Variants in BBS9 observed in about 807,000 individuals in gnomAD.
The protein encoded by BBS9 is protein PTHB1.
A neutral mutation model predicts 117.7 loss-of-function variants in BBS9; 89 were observed. That is an observed-to-expected ratio of 0.76 (90% CI 0.64 to 0.90). The LOEUF (loss-of-function observed/expected upper bound fraction) is 0.90, where lower values mean the gene tolerates loss of function less well. BBS9 is among the 40% of genes least tolerant of loss of function. The pLI, the probability that BBS9 is intolerant of heterozygous loss-of-function variation, is 0.00. For missense variants in BBS9, 982 were observed against 1,042.2 expected (o/e 0.94, Z 0.80); for synonymous variants, 379 against 370.9 (o/e 1.02, Z -0.25).
At chr7:33,357,636 T>C in intron 15 of BBS9, 1 of 622,008 alleles carries the variant, frequency 1.6e-6, no homozygotes, top group Non-Finnish European at 2.9e-6. Flanking sequence ...CTCATGTCTA[T>C]GCTTCTTTTA....
intron 5 of BBS9, among the ~76,000 whole-genome samples, chr7:33,179,175 A>G (rs900703315): frequency 3.3e-5 from 5 of 152,238 alleles, no homozygotes; most frequent in Non-Finnish European, 7.3e-5. Flanking sequence ...GCAAATTACT[A>G]AATTCCATAC....
At chr7:33,291,431 T>G (rs1176030896) in intron 9 of BBS9, among the ~76,000 whole-genome samples, 2 of 152,226 alleles carry the variant, frequency 1.3e-5, no homozygotes, top group Non-Finnish European at 2.9e-5. Context: ...TTACCTTCCT[T>G]ATGTTATTTC....
chr7:33,442,252 C>T (rs1396057057), intron 19 of BBS9, among the ~76,000 whole-genome samples: 1 of 152,118 alleles, frequency 6.6e-6, no homozygotes, highest in Non-Finnish European at 1.5e-5. Context: ...AATCCATGAA[C>T]ACTTGGTCTA....
At chr7:33,466,096 G>A (rs1453437046) in intron 19 of BBS9, among the ~76,000 whole-genome samples, 1 of 151,910 alleles carries the variant, frequency 6.6e-6, no homozygotes. Flanking sequence ...ATTGTGAAAT[G>A]GTTACCACCA....
At chr7:33,469,951 C>T (rs1840740800) in intron 19 of BBS9, among the ~76,000 whole-genome samples, 1 of 152,074 alleles carries the variant, frequency 6.6e-6, no homozygotes. Flanking sequence ...CTTATGAGCA[C>T]ATTTAAGTTT....
At chr7:33,157,841 A>G (rs1039341769) in intron 4 of BBS9, 4 of 111,928 alleles carry the variant, frequency 3.6e-5, no homozygotes, top group Non-Finnish European at 7.2e-5. Context: ...GTGTCATCAA[A>G]TGTATGCTTA....
intron 5 of BBS9, among the ~76,000 whole-genome samples, chr7:33,222,199 A>T (rs897623018): frequency 1.3e-5 from 2 of 152,216 alleles, no homozygotes; most frequent in African/African-American, 4.8e-5. Context: ...GTGACTGTTG[A>T]TAGAAATGAT....
intron 9 of BBS9, among the ~76,000 whole-genome samples, chr7:33,301,068 C>A (rs1236935541): frequency 6.6e-6 from 1 of 151,836 alleles, no homozygotes; most frequent in Non-Finnish European, 1.5e-5. Context: ...TTTGAAGGTA[C>A]CTGTCCCTTT....
intron 5 of BBS9, among the ~76,000 whole-genome samples, chr7:33,202,561 G>C (rs931886287): frequency 1.3e-5 from 2 of 152,306 alleles, no homozygotes; most frequent in South Asian, 4.2e-4. Context: ...GGCTGGGTAG[G>C]CCTCAGGAAA....
In BBS9 at chr7:33,455,342, A is replaced by T. The variant is rs1838484376; in HGVS notation, c.2116-50121A>T. On this transcript the variant is annotated intron_variant, in intron 19 of 22. Transcript: ENST00000242067. ...CTGTCAGGAAACCTCAGTTTCTGAG[A>T]TGAGATAGCGATTCTGGGCTACTGC... 2.0e-5 allele frequency among the ~76,000 whole-genome samples: 3 copies of T among 152,148 alleles called. No homozygotes were observed. In the South Asian group the frequency reaches 6.2e-4, roughly 31 times the overall value.
chr7:33,603,034 T>A (rs923973288), intron 21 of BBS9, among the ~76,000 whole-genome samples: 3 of 152,160 alleles, frequency 2.0e-5, no homozygotes, highest in African/African-American at 7.2e-5. Flanking sequence ...TCAGCTGGAA[T>A]GAAAAGGACA....
At position 33,534,149 on chromosome 7, in the gene BBS9, G is replaced by C. The variant is rs751542968; in HGVS notation, c.2494G>C (p.Ala832Pro). ...GGRLCLSTDA[A>P]APQTMVMPGG... The stretch of plus-strand genomic sequence containing the variant: ...CCGTCTCTGCCTAAGTACCGATGCA[G>C]CAGCCCCACAGACCATGGTCATGCC... Residue 832 changes from alanine to proline, a missense_variant, in exon 21 of 23, where the codon GCA (alanine) becomes CCA (proline). Ala to Pro is a conservative substitution (Grantham distance 27). Coordinates refer to ENST00000242067, the MANE Select transcript of BBS9 (RefSeq NM_198428.3). 8.1e-6 allele frequency: 13 copies of C among 1,614,170 alleles called. No individual in the cohort carries two copies. The highest frequency in any genetic ancestry group is 2.2e-5 in the South Asian group (2 of 91,080).
At position 33,230,448 on chromosome 7, in the gene BBS9, A is replaced by G. The variant is rs543077444; in HGVS notation, c.443-26788A>G. 1.1e-4 allele frequency among the ~76,000 whole-genome samples: 17 copies of G among 152,352 alleles called. No individual in the cohort carries two copies. The South Asian group carries it at 3.5e-3, about 32-fold the overall frequency. ...AAAAATTTTCAATAACTTTAGAGGTATAAGTGTTTTTGCTTACATGGATGA... is the reference window on the plus strand; with the variant it reads ...AAAAATTTTCAATAACTTTAGAGGTGTAAGTGTTTTTGCTTACATGGATGA... On this transcript the variant is annotated intron_variant, in intron 5 of 22. Transcript: ENST00000242067.
intron 21 of BBS9, among the ~76,000 whole-genome samples, chr7:33,566,406 T>C (rs919980041): frequency 6.6e-6 from 1 of 151,950 alleles, no homozygotes; most frequent in African/African-American, 2.4e-5. Context: ...GTATATATAT[T>C]TTGAAATTCT....
chr7:33,190,661 T>C (rs1783976716), intron 5 of BBS9, among the ~76,000 whole-genome samples: 1 of 152,232 alleles, frequency 6.6e-6, no homozygotes, highest in South Asian at 2.1e-4. Context: ...TTTAAATCTT[T>C]ACTTGTCACA....
intron 3 of BBS9, among the ~76,000 whole-genome samples, chr7:33,154,079 A>G (rs1793747892): frequency 6.6e-6 from 1 of 152,202 alleles, no homozygotes; most frequent in African/African-American, 2.4e-5. Context: ...TAGATAGTAT[A>G]CTAGGCCTTT....
At chr7:33,349,046 A>C in intron 12 of BBS9, 22 bp from the exon 13 acceptor site, 1 of 1,489,482 alleles carries the variant, frequency 6.7e-7, no homozygotes, top group Non-Finnish European at 9.4e-7. Context: ...TTTTCTATTG[A>C]TAACAATTTC....
At chr7:33,516,513 A>G (rs1847840913) in intron 20 of BBS9, among the ~76,000 whole-genome samples, 1 of 145,756 alleles carries the variant, frequency 6.9e-6, no homozygotes, top group African/African-American at 2.5e-5. Flanking sequence ...AAAAAAAAAG[A>G]GTTGATGGAA....
chr7:33,306,213 T>C (rs1419863292), intron 9 of BBS9, among the ~76,000 whole-genome samples: 1 of 152,116 alleles, frequency 6.6e-6, no homozygotes, highest in Non-Finnish European at 1.5e-5. Context: ...ACAAAATTTC[T>C]CTTTTTGTTG....
Sources: gnomAD v4.1 joint callset for allele counts (sites outside exome capture counted in the v4.1 genomes callset) on GRCh38, gnomAD v4.1.1 for gene constraint, MANE v1.5 for transcripts, NCBI Gene and HGNC (gene_info 2026-07-23, HGNC 2026-07-21) for gene names.